OTOGL: variants seen among roughly 807,000 people sequenced by gnomAD.
OTOGL encodes otogelin like.
OTOGL carries 285 observed loss-of-function variants against 318.5 expected under a neutral mutation model. That is an observed-to-expected ratio of 0.89 (90% CI 0.81 to 0.99). The LOEUF is 0.99. Ranked by LOEUF, OTOGL falls within the 50% of genes least tolerant of loss-of-function variation. The pLI is 0.00. For missense variants in OTOGL, 2,899 were observed against 2,845.6 expected, an observed-to-expected ratio of 1.02 and a Z score of -0.43; for synonymous variants, 987 against 936.5, an observed-to-expected ratio of 1.05 and a Z score of -0.99.
intron 33 of OTOGL, among the ~76,000 whole-genome samples, chr12:80,319,896 C>T (rs1375847545): frequency 1.3e-5 from 2 of 152,092 alleles, no homozygotes; most frequent in Non-Finnish European, 2.9e-5. Context: ...TAAATAGTCT[C>T]TTCTTGGTGC....
At chr12:80,149,641 G>A (rs1336648089) in intron 1 of OTOGL, among the ~76,000 whole-genome samples, 9 of 152,252 alleles carry the variant, frequency 5.9e-5, no homozygotes, top group African/African-American at 2.2e-4. Flanking sequence ...GCAAGCCTGG[G>A]CAATGGCGGG....
Position 80,296,942 on chromosome 12 carries a change from A to G in OTOGL, c.3044A>G (p.Asn1015Ser). The change falls in exon 27 of 59, where the codon AAT becomes AGT. Residue 1015 changes from asparagine to serine, a missense_variant. By Grantham distance (46) the Asn-to-Ser change is conservative (BLOSUM62 1). This residue lies in a region of OTOGL where 2,607 missense variants were observed against 2,524.9 expected (regional missense o/e 1.03). Coordinates refer to ENST00000547103, the MANE Select transcript of OTOGL (RefSeq NM_001378609.3). Reference protein sequence around the residue: ...ISVGDTEIYLNDTPYKQKQSG... With the variant: ...ISVGDTEIYLSDTPYKQKQSG... The stretch of plus-strand genomic sequence containing the variant: ...GTTGGGGACACTGAAATTTACCTGA[A>G]TGATACTCCTTACAAACAGGTTAGT... 1 of 1,552,100 alleles carries G rather than the reference A, an allele frequency of 6.4e-7. No homozygotes were observed. Among genetic ancestry groups the G allele is most frequent in the South Asian group, 1.2e-5 (1 of 84,900 alleles).
At chr12:80,334,182 G>A (rs544372941) in intron 38 of OTOGL, among the ~76,000 whole-genome samples, 3 of 152,272 alleles carry the variant, frequency 2.0e-5, no homozygotes, top group South Asian at 2.1e-4. Flanking sequence ...GGTGATAGCA[G>A]TGAAGATGGT....
At chr12:80,158,835 G>T (rs906685950) in intron 1 of OTOGL, among the ~76,000 whole-genome samples, 3 of 151,166 alleles carry the variant, frequency 2.0e-5, no homozygotes, top group African/African-American at 7.3e-5. Context: ...TCTTTCTCTT[G>T]TCTGATTGCT....
intron 9 of OTOGL, among the ~76,000 whole-genome samples, chr12:80,235,055 G>A (rs74324358): frequency 0.066 from 10,096 of 152,130 alleles, 458 homozygotes; most frequent in Middle Eastern, 0.11. Context: ...GCAGGGTTTT[G>A]GATGCAGGCA....
In OTOGL at chr12:80,368,383, T is replaced by TCC. The variant is rs57527553; in HGVS notation, c.6615+81_6615+82dup. 0.69 allele frequency: 485,695 copies of TCC among 705,108 alleles called. 163,884 individuals are homozygous for TCC. Among genetic ancestry groups the TCC allele is most frequent in the Non-Finnish European group, 0.73 (304,957 of 415,974 alleles). The allele number at this position is 705,108 out of a possible 1,614,324, so 43.7% of individuals were successfully genotyped here. On this transcript the variant is annotated intron_variant, in intron 55 of 58. Transcript: ENST00000547103. ...TTCTTGAGTCAAAGTTTGGAAAATG[T>TCC]CCCCCCCCACACACACTGCACTGCA...
At chr12:80,166,086 TG>T (rs1408487794) in intron 1 of OTOGL, among the ~76,000 whole-genome samples, 1 of 152,150 alleles carries the variant, frequency 6.6e-6, no homozygotes, top group Non-Finnish European at 1.5e-5. Flanking sequence ...TTTTCCTTTT[TG>T]TTTGCAAGAT....
chr12:80,336,989 T>C lies in OTOGL; in HGVS notation c.4845T>C (p.Asn1615=), dbSNP rs752428081. Residue 1615 remains asparagine, a synonymous_variant, in exon 42 of 59, where the codon AAT becomes AAC. Transcript: ENST00000547103. ...CACCCATACATAAAATAATTGTCAA[T>C]CGGTTGGCAAGAAAGGTAAGAATAC... is the stretch of plus-strand genomic sequence containing the variant. ...VTTPIHKIIV[N]RLARKVEVDS... is the part of the protein sequence containing the mutation. 8.8e-6 allele frequency: 14 copies of C among 1,581,980 alleles called. No individual in the cohort carries two copies. The highest frequency in any genetic ancestry group is 1.2e-5 in the Non-Finnish European group (14 of 1,161,438).
chr12:80,307,969 G>T (rs1886317180), intron 29 of OTOGL, among the ~76,000 whole-genome samples: 1 of 135,464 alleles, frequency 7.4e-6, no homozygotes, highest in Non-Finnish European at 1.6e-5. Context: ...GGGCAGAGGG[G>T]CTCCTCAGTT....
intron 44 of OTOGL, among the ~76,000 whole-genome samples, chr12:80,350,779 A>T (rs1433420652): frequency 6.6e-6 from 1 of 152,112 alleles, no homozygotes; most frequent in Non-Finnish European, 1.5e-5. Flanking sequence ...GAGTTGTTTG[A>T]ATTCCTTATG....
intron 29 of OTOGL, among the ~76,000 whole-genome samples, chr12:80,307,816 C>A (rs571483386): frequency 1.5e-5 from 2 of 133,064 alleles, no homozygotes; most frequent in African/African-American, 6.3e-5. Flanking sequence ...TAGGGGCGGC[C>A]GGGCAGAGGC....
At chr12:80,329,558 A>C (rs1887937718) in intron 37 of OTOGL, among the ~76,000 whole-genome samples, 1 of 152,240 alleles carries the variant, frequency 6.6e-6, no homozygotes, top group Non-Finnish European at 1.5e-5. Flanking sequence ...GACATAAATC[A>C]GGGTTTTCTT....
At chr12:80,356,036 T>A in intron 47 of OTOGL, 88 bp downstream of exon 47, 1 of 1,400,604 alleles carries the variant, frequency 7.1e-7, no homozygotes, top group Non-Finnish European at 9.8e-7. Flanking sequence ...TAATGCTTTG[T>A]ATTTTTAAAA....
At chr12:80,199,557 G>C (rs1283797482) in intron 1 of OTOGL, among the ~76,000 whole-genome samples, 1 of 152,160 alleles carries the variant, frequency 6.6e-6, no homozygotes, top group Non-Finnish European at 1.5e-5. Context: ...CATTGAATTA[G>C]TTTAATAGAT....
intron 35 of OTOGL, among the ~76,000 whole-genome samples, chr12:80,327,508 C>T (rs1438980436): frequency 6.6e-6 from 1 of 152,062 alleles, no homozygotes; most frequent in East Asian, 1.9e-4. Context: ...CATGATCATC[C>T]CTTCCACCTA....
At chr12:80,104,916 G>A (rs1372491429) in intron 1 of OTOGL, among the ~76,000 whole-genome samples, 1 of 152,082 alleles carries the variant, frequency 6.6e-6, no homozygotes, top group Non-Finnish European at 1.5e-5. Flanking sequence ...CCAACATGAA[G>A]AAACCCTGTC....
intron 1 of OTOGL, among the ~76,000 whole-genome samples, chr12:80,153,611 T>C (rs1872927915): frequency 6.6e-6 from 1 of 152,232 alleles, no homozygotes; most frequent in Non-Finnish European, 1.5e-5. Flanking sequence ...ATACACTCTA[T>C]GGGTTTGTAC....
chr12:80,212,079 C>A lies in OTOGL; in HGVS notation c.168+82C>A, dbSNP rs1393431696. On this transcript the variant is annotated intron_variant, in intron 4 of 58. Transcript: ENST00000547103. The stretch of plus-strand genomic sequence containing the variant: ...CTCTGCTGTCACTTCAACAATGAGA[C>A]CTTTGTGGAGGGGAATAAAATGCTA... 5 of 1,333,814 alleles carry A rather than the reference C, an allele frequency of 3.7e-6. No individual in the cohort carries two copies. In the East Asian group the frequency reaches 7.6e-5, roughly 20 times the overall value. 82.6% of individuals were successfully genotyped at this position (1,333,814 alleles called of 1,614,324 possible). A position where few individuals can be genotyped will look rare whatever the true frequency, so the allele number is the denominator to read the frequency against.
At chr12:80,178,216 A>G (rs887903274) in intron 1 of OTOGL, among the ~76,000 whole-genome samples, 2 of 151,162 alleles carry the variant, frequency 1.3e-5, no homozygotes, top group African/African-American at 4.9e-5. Flanking sequence ...ACCTACCACC[A>G]TGCCCGGCTA....
Sources: allele counts gnomAD v4.1 joint callset (sites outside exome capture counted in the v4.1 genomes callset), GRCh38; gene constraint gnomAD v4.1.1; regional missense constraint gnomAD v4.1.1; transcripts MANE v1.5; gene names NCBI Gene and HGNC (gene_info 2026-07-23, HGNC 2026-07-21).